BRF1: variants seen among roughly 807,000 people sequenced by gnomAD.
BRF1 encodes the protein transcription factor IIIB 90 kDa subunit.
BRF1 carries 59 observed loss-of-function variants against 81.7 expected under a neutral mutation model. That is an observed-to-expected ratio of 0.72 (90% CI 0.59 to 0.90). The LOEUF is 0.90. Among genes scored for constraint, BRF1 ranks in the 40% least tolerant of loss-of-function variants. The pLI is 0.00. For synonymous variants in BRF1, 491 were observed against 395.6 expected (o/e 1.24, Z -2.86); for missense variants, 1,050 against 936.3 (o/e 1.12, Z -1.58).
intron 5 of BRF1, chr14:105,249,127 C>T: frequency 3.9e-6 from 6 of 1,522,810 alleles, no homozygotes; most frequent in Non-Finnish European, 4.4e-6. Flanking sequence ...CGCGCGCCCA[C>T]GCCCCCAGCC....
chr14:105,285,238 G>A (rs1377320494), intron 2 of BRF1, among the ~76,000 whole-genome samples: 3 of 152,218 alleles, frequency 2.0e-5, no homozygotes, highest in African/African-American at 7.2e-5. Flanking sequence ...GCAGTTAGAG[G>A]ACTCACAGTT....
chr14:105,267,247 TG>T (rs1257895806), intron 3 of BRF1, among the ~76,000 whole-genome samples: 3 of 151,682 alleles, frequency 2.0e-5, no homozygotes, highest in Non-Finnish European at 1.5e-5. Flanking sequence ...GGGGCCCACA[TG>T]GGCCCACGCT....
chr14:105,299,817 T>G (rs587719465), intron 1 of BRF1, among the ~76,000 whole-genome samples: 1 of 152,282 alleles, frequency 6.6e-6, no homozygotes, highest in East Asian at 1.9e-4. Flanking sequence ...CACAAAACAG[T>G]TCATGACAGT....
Position 105,247,911 on chromosome 14 carries a change from C to T in BRF1, c.544+4596G>A, listed in dbSNP as rs1028133352. ...GCACCTCCCAGGATTAGCCCCAGGC[C>T]GGGAGGCTAGAGGCCCCACAAGGAG... is the stretch of plus-strand genomic sequence containing the variant. On this transcript the variant is annotated intron_variant, in intron 5 of 17. Transcript: ENST00000547530. 4 of 985,404 alleles carry T rather than the reference C, an allele frequency of 4.1e-6. No homozygotes were observed. The South Asian group carries it at 1.4e-4, about 35-fold the overall frequency. 61.0% of individuals were successfully genotyped at this position (985,404 alleles called of 1,614,324 possible). A position where few individuals can be genotyped will look rare whatever the true frequency, so the allele number is the denominator to read the frequency against.
chr14:105,242,796 G>A (rs1051117324), intron 5 of BRF1, among the ~76,000 whole-genome samples: 9 of 139,468 alleles, frequency 6.5e-5, no homozygotes, highest in South Asian at 2.3e-4. Flanking sequence ...ATACAGAGAC[G>A]AAGTCTATAC....
At position 105,300,576 on chromosome 14, in the gene BRF1, C is replaced by G. The variant is rs587694835; in HGVS notation, c.54G>C (p.Ala18=). 141 of 1,490,292 alleles carry G rather than the reference C, an allele frequency of 9.5e-5. No individual in the cohort carries two copies. The African/African-American group carries it at 1.2e-3, about 12-fold the overall frequency. The allele number at this position is 1,490,292 out of a possible 1,614,324, so 92.3% of individuals were successfully genotyped here. Residue 18 remains alanine, a synonymous_variant, in exon 1 of 18, where the codon GCG becomes GCC. Coordinates refer to ENST00000547530, the MANE Select transcript of BRF1 (RefSeq NM_001519.4). ...GCGGTDIELD[A]ARGDAVCTAC... ...CGGTGCACACCGCGTCCCCGCGCGCCGCGTCCAGCTCGATGTCCGTGCCGC... is the reference window on the plus strand; with the variant it reads ...CGGTGCACACCGCGTCCCCGCGCGCGGCGTCCAGCTCGATGTCCGTGCCGC...
At chr14:105,272,957 C>T (rs983121993) in intron 2 of BRF1, 63 bp from the exon 3 acceptor site, 103 of 1,474,386 alleles carry the variant, frequency 7.0e-5, no homozygotes, top group Non-Finnish European at 8.9e-5. Context: ...AAGTATCACA[C>T]GGCCACAGCA....
intron 16 of BRF1, 116 bp downstream of exon 16, chr14:105,211,997 G>A (rs758525731): frequency 1.5e-4 from 220 of 1,433,576 alleles, no homozygotes; most frequent in Middle Eastern, 3.7e-4. Context: ...GGGCAGCAGG[G>A]GCAGGCGCCT....
At position 105,271,157 on chromosome 14, in the gene BRF1, G is replaced by A. The variant is rs1295625626; in HGVS notation, c.439+1564C>T. Among the ~76,000 whole-genome samples the A allele has an allele frequency of 6.6e-6, 1 of 152,208 alleles. No homozygotes were observed. Among genetic ancestry groups the A allele is most frequent in the Non-Finnish European group, 1.5e-5 (1 of 68,038 alleles). On this transcript the variant is annotated intron_variant, in intron 3 of 17. Transcript: ENST00000547530. The surrounding 1 kb of genome is among the most constrained non-coding windows in gnomAD (Gnocchi z 5.5). ...TGTCCCAAAGCAAAAAGATAGCCAC[G>A]TGCAAAAAAGGATGAGATAACACAT...
At chr14:105,226,227 T>G (rs1163216323) in intron 9 of BRF1, 24 bp downstream of exon 9, 2 of 1,613,968 alleles carry the variant, frequency 1.2e-6, no homozygotes, top group Non-Finnish European at 1.7e-6. Context: ...ACAGAAGCAT[T>G]ACATGGGAAG....
At chr14:105,250,025 A>G in intron 5 of BRF1, 1 of 1,612,922 alleles carries the variant, frequency 6.2e-7, no homozygotes, top group East Asian at 2.2e-5. Context: ...CACCCCACGA[A>G]ACAAGAGGCA....
At position 105,250,990 on chromosome 14, in the gene BRF1, T is replaced by TA. The variant is rs2055576311; in HGVS notation, c.544+1516dup. 3 of 336,694 alleles carry TA rather than the reference T, an allele frequency of 8.9e-6. No homozygotes were observed. In the East Asian group the frequency reaches 1.6e-4, roughly 18 times the overall value. The allele number at this position is 336,694 out of a possible 1,614,324, so 20.9% of individuals were successfully genotyped here. ...ATCTTCCTGCTACCCTCTTGGATTC[T>TA]AAGTGGTTCCAAGCTTAACTTGAGA... On this transcript the variant is annotated intron_variant, in intron 5 of 17. Coordinates refer to ENST00000547530, the MANE Select transcript of BRF1 (RefSeq NM_001519.4).
At chr14:105,288,955 G>C (rs2057416555) in intron 1 of BRF1, among the ~76,000 whole-genome samples, 1 of 150,854 alleles carries the variant, frequency 6.6e-6, no homozygotes. Context: ...AGGATCACTA[G>C]AGCCCGGGAG....
At chr14:105,296,399 G>A (rs2057746952) in intron 1 of BRF1, among the ~76,000 whole-genome samples, 1 of 152,196 alleles carries the variant, frequency 6.6e-6, no homozygotes, top group African/African-American at 2.4e-5. Flanking sequence ...TGTAATCCCA[G>A]CTACTTGGGA....
At chr14:105,307,388 A>C (rs1473276426) in intron 1 of BRF1, among the ~76,000 whole-genome samples, 1 of 152,194 alleles carries the variant, frequency 6.6e-6, no homozygotes, top group African/African-American at 2.4e-5. Flanking sequence ...AATTCTGCTC[A>C]GCTTGCCTCC....
chr14:105,219,398 G>T, intron 12 of BRF1, 166 bp from the exon 13 acceptor site: 1 of 1,409,824 alleles, frequency 7.1e-7, no homozygotes. Context: ...CGCGGGGCGA[G>T]TTGGGGACCT....
intron 12 of BRF1, chr14:105,219,637 C>T: frequency 5.0e-6 from 2 of 402,304 alleles, no homozygotes; most frequent in Admixed American, 4.0e-5. Flanking sequence ...AGACGACTTC[C>T]TGCCTGACAG....
intron 1 of BRF1, among the ~76,000 whole-genome samples, chr14:105,288,797 C>G (rs753417944): frequency 4.1e-4 from 62 of 151,610 alleles, no homozygotes; most frequent in Non-Finnish European, 6.6e-4. Flanking sequence ...CCACGCCCGG[C>G]TAATTTTTTG....
At position 105,209,561 on chromosome 14, in the gene BRF1, C is replaced by T. The variant is rs1441281245; in HGVS notation, c.*990G>A. ...TCGGCCACATCCGGGGCAGCCATGC[C>T]AGAGCTGAGACCTCCTACGAGTGGT... is the stretch of plus-strand genomic sequence containing the variant. On this transcript the variant is annotated 3_prime_UTR_variant, in exon 18 of 18. Coordinates refer to ENST00000547530, the MANE Select transcript of BRF1 (RefSeq NM_001519.4). 1 of 702,708 alleles carries T rather than the reference C, an allele frequency of 1.4e-6. No individual in the cohort carries two copies. The highest frequency in any genetic ancestry group is 2.0e-5 in the Admixed American group (1 of 50,004). The allele number at this position is 702,708 out of a possible 1,614,324, so 43.5% of individuals were successfully genotyped here.
Sources: allele counts gnomAD v4.1 joint callset (sites outside exome capture counted in the v4.1 genomes callset), GRCh38; gene constraint gnomAD v4.1.1; non-coding constraint Gnocchi (gnomAD v3.1); transcripts MANE v1.5; gene names NCBI Gene and HGNC (gene_info 2026-07-23, HGNC 2026-07-21).